The following IL12B variants were observed in gnomAD, a reference collection of about 807,000 sequenced individuals.
IL12B encodes interleukin 12B, also known as interleukin-12 subunit beta.
IL12B carries 27 observed loss-of-function variants against 39.2 expected under a neutral mutation model. That is an observed-to-expected ratio of 0.69 (90% CI 0.51 to 0.95). The LOEUF is 0.95. IL12B is among the 40% of genes least tolerant of loss of function. The pLI is 0.00. For synonymous variants in IL12B, 142 were observed against 152.1 expected (o/e 0.93, Z 0.49); for missense variants, 351 against 397.6 (o/e 0.88, Z 1.00).
intron 4 of IL12B, among the ~76,000 whole-genome samples, chr5:159,321,263 C>T (rs1363127971): frequency 6.6e-6 from 1 of 151,488 alleles, no homozygotes; most frequent in Non-Finnish European, 1.5e-5. Flanking sequence ...TCTCAGCCTC[C>T]CAAAGAGTTA....
At position 159,326,763 on chromosome 5, in the gene IL12B, A is replaced by T; in HGVS notation, c.20T>A (p.Val7Asp). 1 of 1,611,866 alleles carries T rather than the reference A, an allele frequency of 6.2e-7. No individual in the cohort carries two copies. Among genetic ancestry groups the T allele is most frequent in the Non-Finnish European group, 8.5e-7 (1 of 1,177,914 alleles). Residue 7 changes from valine (V) to aspartate (D), a missense_variant, in exon 2 of 8, where the codon GTC becomes GAC. Val to Asp is a radical substitution (Grantham distance 152, BLOSUM62 -3). Transcript: ENST00000231228. ...AAAAACCAGGGAAAACCAAGAGATGACCAACTGCTGGTGACACATCTATAA... is the reference window on the plus strand; with the variant it reads ...AAAAACCAGGGAAAACCAAGAGATGTCCAACTGCTGGTGACACATCTATAA... MCHQQLVISWFSLVFLA... is the reference protein window; with the variant it reads MCHQQLDISWFSLVFLA...
At chr5:159,323,423 C>T in intron 2 of IL12B, 94 bp from the exon 3 acceptor site, 1 of 1,171,538 alleles carries the variant, frequency 8.5e-7, no homozygotes, top group Non-Finnish European at 1.2e-6. Flanking sequence ...ATTGCCTAAA[C>T]ACAACCTTGT....
At chr5:159,328,780 C>T (rs1478199534) in intron 1 of IL12B, among the ~76,000 whole-genome samples, 1 of 152,186 alleles carries the variant, frequency 6.6e-6, no homozygotes, top group African/African-American at 2.4e-5. Context: ...ATGCATTTGA[C>T]AATCTCAGGT....
intron 4 of IL12B, 57 bp downstream of exon 4, chr5:159,322,337 A>G (rs1269722533): frequency 5.9e-5 from 67 of 1,132,116 alleles, no homozygotes; most frequent in Non-Finnish European, 1.3e-6. Context: ...GTTGCCCTTA[A>G]TTTCTTAATG....
intron 4 of IL12B, among the ~76,000 whole-genome samples, chr5:159,320,897 G>A (rs1389732950): frequency 6.6e-6 from 1 of 152,072 alleles, no homozygotes; most frequent in Non-Finnish European, 1.5e-5. Context: ...GGAAAGAAGT[G>A]TATGTCTCCT....
At chr5:159,325,631 A>G (rs1410601676) in intron 2 of IL12B, 2 of 152,202 alleles carry the variant, frequency 1.3e-5, no homozygotes, top group Non-Finnish European at 2.9e-5. Flanking sequence ...AATTGGGATC[A>G]AGTCCCTGTT....
intron 1 of IL12B, among the ~76,000 whole-genome samples, chr5:159,327,201 C>A (rs1452388334): frequency 6.6e-6 from 1 of 152,114 alleles, no homozygotes; most frequent in Non-Finnish European, 1.5e-5. Context: ...GGGCTAGAAG[C>A]AGTTGAGAGA....
intron 3 of IL12B, 77 bp from the exon 4 acceptor site, chr5:159,322,588 C>T: frequency 1.1e-6 from 1 of 924,118 alleles, no homozygotes. Flanking sequence ...AATCACAGAT[C>T]ACCAGATGGT....
intron 1 of IL12B, 67 bp from the exon 2 acceptor site, chr5:159,326,849 G>A: frequency 1.0e-6 from 1 of 982,562 alleles, no homozygotes; most frequent in Non-Finnish European, 1.7e-6. Flanking sequence ...AGAAAAAAGA[G>A]AAGAAAGAAT....
At chr5:159,320,087 T>C (rs1754060366) in intron 5 of IL12B, among the ~76,000 whole-genome samples, 1 of 152,212 alleles carries the variant, frequency 6.6e-6, no homozygotes, top group South Asian at 2.1e-4. Flanking sequence ...CGGCTAGCTG[T>C]AAGATCTGAG....
Position 159,318,881 on chromosome 5 carries a change from G to T in IL12B, c.710C>A (p.Pro237Gln). Residue 237 changes from proline (P) to glutamine (Q), a missense_variant, in exon 6 of 8, where the codon CCA (proline) becomes CAA (glutamine). By Grantham distance (76) the Pro-to-Gln change is moderately conservative. Transcript: ENST00000231228. ...FFIRDIIKPDPPKNLQLKPLK... is the reference protein window; with the variant it reads ...FFIRDIIKPDQPKNLQLKPLK... ...TGGCTTCAGCTGCAAGTTCTTGGGT[G>T]GGTCAGGTTTGACTGTGGAAGAGGA... The T allele has an allele frequency of 6.2e-7, 1 of 1,613,930 alleles. No homozygotes were observed. Among genetic ancestry groups the T allele is most frequent in the Non-Finnish European group, 8.5e-7 (1 of 1,179,926 alleles).
rs1305023573 is a variant in IL12B at position 159,323,139 on chromosome 5, T to C, written c.279A>G (p.Gly93=). The C allele has an allele frequency of 1.9e-6, 3 of 1,614,052 alleles. No homozygotes were observed. The highest frequency in any genetic ancestry group is 2.5e-6 in the Non-Finnish European group (3 of 1,180,022). Residue 93 remains glycine (G), a synonymous_variant, in exon 3 of 8, where the codon GGA becomes GGG. Transcript: ENST00000231228. The stretch of plus-strand genomic sequence containing the variant: ...GGAGCGAATGGCTTAGAACCTCGCC[T>C]CCTTTGTGACAGGTGTACTGGCCAG... The part of the protein sequence containing the change: ...GDAGQYTCHK[G]GEVLSHSLLL...
chr5:159,316,872 G>A (rs1753999826), intron 6 of IL12B, 56 bp from the exon 7 acceptor site: 2 of 1,603,152 alleles, frequency 1.2e-6, no homozygotes, highest in Non-Finnish European at 1.7e-6. Context: ...CACAGGGTAA[G>A]CTGAGCCTGT....
At chr5:159,319,296 T>A (rs1754044959) in intron 5 of IL12B, among the ~76,000 whole-genome samples, 1 of 152,256 alleles carries the variant, frequency 6.6e-6, no homozygotes, top group Non-Finnish European at 1.5e-5. Flanking sequence ...TCCCTGGGGA[T>A]GAGATGATAG....
At chr5:159,316,887 G>A (rs989229217) in intron 6 of IL12B, 71 bp from the exon 7 acceptor site, 43 of 1,546,978 alleles carry the variant, frequency 2.8e-5, no homozygotes. Context: ...GCCTGTTTCT[G>A]CAATGCATAC....
rs530966559 is a variant in IL12B at position 159,327,054 on chromosome 5, A to C, written c.1-272T>G. On this transcript the variant is annotated intron_variant, in intron 1 of 7. Transcript: ENST00000231228. Reference sequence around the variant, plus strand: ...TAGGGTATTTGGGGCTCTGGAGCTGAAAGAGACCTAAGGCAAGCCATCTGA... The same window carrying C: ...TAGGGTATTTGGGGCTCTGGAGCTGCAAGAGACCTAAGGCAAGCCATCTGA... Among the ~76,000 whole-genome samples, 5 of 152,290 alleles carry C rather than the reference A, an allele frequency of 3.3e-5. No homozygotes were observed. The South Asian group carries it at 6.2e-4, about 19-fold the overall frequency.
chr5:159,322,385 TTCAC>T lies in IL12B; in HGVS notation c.482+5_482+8del. 1.3e-6 allele frequency: 2 copies of T among 1,533,882 alleles called. No homozygotes were observed. The highest frequency in any genetic ancestry group is 1.8e-6 in the Non-Finnish European group (2 of 1,106,558). On this transcript the variant is annotated splice_donor_5th_base_variant and intron_variant, in intron 4 of 7. Coordinates refer to ENST00000231228, the MANE Select transcript of IL12B (RefSeq NM_002187.3). ...AAAAATGCTGAGAAACCAGAGCAGTTTCACTCACCCTCTGCTGCTTTTGACACTG... is the reference window on the plus strand; with the variant it reads ...AAAAATGCTGAGAAACCAGAGCAGTTTCACCCTCTGCTGCTTTTGACACTG...
intron 4 of IL12B, among the ~76,000 whole-genome samples, chr5:159,321,146 G>A (rs561394989): frequency 6.6e-6 from 1 of 151,782 alleles, no homozygotes; most frequent in Admixed American, 6.6e-5. Flanking sequence ...CTACAGGTGT[G>A]TGCCACCACA....
Position 159,323,476 on chromosome 5 carries a change from G to A in IL12B, c.89-147C>T. The A allele has an allele frequency of 3.9e-6, 3 of 771,032 alleles. No homozygotes were observed. In the South Asian group the frequency reaches 4.5e-5, roughly 12 times the overall value. 47.8% of individuals were successfully genotyped at this position (771,032 alleles called of 1,614,324 possible). On this transcript the variant is annotated intron_variant, in intron 2 of 7. Transcript: ENST00000231228. The stretch of plus-strand genomic sequence containing the variant: ...CAAATGCTTGCTGAGATGATCTCAA[G>A]GCATGAGACCCTGCTTGGGCTCAAG...
Sources: gnomAD v4.1 joint callset for allele counts (sites outside exome capture counted in the v4.1 genomes callset) on GRCh38, gnomAD v4.1.1 for gene constraint, MANE v1.5 for transcripts, NCBI Gene and HGNC (gene_info 2026-07-23, HGNC 2026-07-21) for gene names.